CDH1: variants seen among roughly 807,000 people sequenced by gnomAD.
The protein encoded by CDH1 is cadherin 1.
In CDH1, 35 loss-of-function variants were observed where a neutral mutation model predicts 84.5. The observed-to-expected ratio is 0.41, with a 90% CI of 0.32 to 0.55. The LOEUF (loss-of-function observed/expected upper bound fraction) is 0.55. Ranked by LOEUF, CDH1 falls within the 20% of genes least tolerant of loss-of-function variation. The probability of loss-of-function intolerance (pLI) is 0.19; values close to 1 mark genes in which losing one functional copy is unlikely to be tolerated. For synonymous variants in CDH1, 417 were observed against 439.0 expected (o/e 0.95, Z 0.63); for missense variants, 994 against 1,126.6 (o/e 0.88, Z 1.68).
At chr16:68,757,146 T>C (rs568630452) in intron 2 of CDH1, among the ~76,000 whole-genome samples, 14 of 152,262 alleles carry the variant, frequency 9.2e-5, no homozygotes, top group Admixed American at 3.3e-4. Context: ...TGGAGCGCAG[T>C]GTTGGAGTCT....
chr16:68,820,026 C>G (rs1961097559), intron 11 of CDH1, among the ~76,000 whole-genome samples: 1 of 151,958 alleles, frequency 6.6e-6, no homozygotes, highest in East Asian at 1.9e-4. Context: ...TGGCAAAACC[C>G]TGTCTCTACA....
intron 2 of CDH1, among the ~76,000 whole-genome samples, chr16:68,739,514 C>T: frequency 6.6e-6 from 1 of 151,998 alleles, no homozygotes; most frequent in Non-Finnish European, 1.5e-5. Flanking sequence ...ATCCTTCTGT[C>T]TCAGCCTCTC....
In CDH1 at chr16:68,810,282, A is replaced by G. The variant is rs1960783527; in HGVS notation, c.773A>G (p.Asn258Ser). The G allele has an allele frequency of 1.2e-6, 2 of 1,614,162 alleles. No individual in the cohort carries two copies. The highest frequency in any genetic ancestry group is 1.7e-6 in the Non-Finnish European group (2 of 1,180,002). ...ATCACGGTAACCGATCAGAATGACA[A>G]CAAGCCCGAATTCACCCAGGAGGTC... Reference protein sequence around the residue: ...ILITVTDQNDNKPEFTQEVFK... With the variant: ...ILITVTDQNDSKPEFTQEVFK... Residue 258 changes from asparagine to serine, a missense_variant, in exon 6 of 16, where the codon AAC (asparagine) becomes AGC (serine). Physicochemically the swap from Asn to Ser is conservative, Grantham distance 46. This residue lies in a region of CDH1 where 769 missense variants were observed against 881.8 expected (regional missense o/e 0.87). Transcript: ENST00000261769.
chr16:68,778,836 A>G (rs942417924), intron 2 of CDH1, among the ~76,000 whole-genome samples: 1 of 152,104 alleles, frequency 6.6e-6, no homozygotes, highest in African/African-American at 2.4e-5. Context: ...CTGCCTCCTG[A>G]TTTAGTTAAT....
rs1261098630 is a variant in CDH1 at position 68,833,810 on chromosome 16, A to G, written c.*311A>G. On this transcript the variant is annotated 3_prime_UTR_variant, in exon 16 of 16. Coordinates refer to ENST00000261769, the MANE Select transcript of CDH1 (RefSeq NM_004360.5). ...AACTTTAGCATCAGAAGGTTCACCC[A>G]GCACCTTGCAGATTTTCTTAAGGAA... is the stretch of plus-strand genomic sequence containing the variant. The G allele has an allele frequency of 4.8e-6, 2 of 419,532 alleles. No individual in the cohort carries two copies. The highest frequency in any genetic ancestry group is 8.1e-5 in the Admixed American group (2 of 24,812). The allele number at this position is 419,532 out of a possible 1,614,324, so 26.0% of individuals were successfully genotyped here.
chr16:68,746,917 C>T (rs1013959346), intron 2 of CDH1, among the ~76,000 whole-genome samples: 1 of 152,196 alleles, frequency 6.6e-6, no homozygotes, highest in Non-Finnish European at 1.5e-5. Flanking sequence ...CCATTGCACT[C>T]TAGCCTGGGC....
At chr16:68,745,549 A>AAAATATATATATATATATATATGT (rs1555510453) in intron 2 of CDH1, among the ~76,000 whole-genome samples, 1 of 75,182 alleles carries the variant, frequency 1.3e-5, no homozygotes, top group Non-Finnish European at 2.4e-5. Flanking sequence ...AAAAAAAAAA[A>AAAATATATATATATATATATATGT]ATATATATAT....
At chr16:68,818,790 C>T (rs1237448805) in intron 10 of CDH1, among the ~76,000 whole-genome samples, 1 of 140,864 alleles carries the variant, frequency 7.1e-6, no homozygotes, top group Non-Finnish European at 1.5e-5. Flanking sequence ...GTGGAGCTTG[C>T]AGCGAGCCGA....
Position 68,788,728 on chromosome 16 carries a change from G to A in CDH1, c.164-12942G>A, listed in dbSNP as rs766156969. Among the ~76,000 whole-genome samples the A allele has an allele frequency of 1.6e-4, 25 of 152,120 alleles. 1 individual carries two copies. On this transcript the variant is annotated intron_variant, in intron 2 of 15. Transcript: ENST00000261769. ...AAGAAGAAAGTTGGGGCTGGGCATG[G>A]TGGCTCACGCCTGTAATCTCAACAC... is the stretch of plus-strand genomic sequence containing the variant.
chr16:68,807,903 G>A (rs555077755), intron 3 of CDH1, among the ~76,000 whole-genome samples: 2 of 151,998 alleles, frequency 1.3e-5, no homozygotes, highest in East Asian at 3.9e-4. Context: ...AAAGCCCTAC[G>A]TCTACTAAAA....
At chr16:68,757,967 C>CT (rs58385798) in intron 2 of CDH1, among the ~76,000 whole-genome samples, 47,195 of 112,934 alleles carry the variant, frequency 0.42, 10,114 homozygotes, top group Non-Finnish European at 0.45. Context: ...CCAGGCTAAT[C>CT]TTTTTTTTTT....
Position 68,829,728 on chromosome 16 carries a change from C to T in CDH1, c.2370C>T (p.Thr790=), listed in dbSNP as rs1596972620. 1 of 1,614,124 alleles carries T rather than the reference C, an allele frequency of 6.2e-7. No homozygotes were observed. Among genetic ancestry groups the T allele is most frequent in the South Asian group, 1.1e-5 (1 of 91,074 alleles). ...TGACTCGTAACGACGTTGCACCAAC[C>T]CTCATGAGTGTCCCCCGGTATCTTC... is the stretch of plus-strand genomic sequence containing the variant. ...PEVTRNDVAP[T]LMSVPRYLPR... The change falls in exon 15 of 16, where the codon ACC becomes ACT. Residue 790 remains threonine (T), a synonymous_variant. Coordinates refer to ENST00000261769, the MANE Select transcript of CDH1 (RefSeq NM_004360.5).
chr16:68,797,359 C>T (rs541600930), intron 2 of CDH1, among the ~76,000 whole-genome samples: 1 of 152,196 alleles, frequency 6.6e-6, no homozygotes, highest in East Asian at 1.9e-4. Context: ...GCACTTTAGC[C>T]TGGGTGACAG....
At chr16:68,823,255 A>T in intron 12 of CDH1, 144 bp from the exon 13 acceptor site, 2 of 630,622 alleles carry the variant, frequency 3.2e-6, no homozygotes, top group South Asian at 3.7e-5. Context: ...AAAAAAAAAA[A>T]GTACATACCT....
rs16958370 is a variant in CDH1 at position 68,803,282 on chromosome 16, A to C, written c.387+1389A>C. Reference sequence around the variant, plus strand: ...GAGGAATCTAATACTATAGGACCATATTAACTTAGCTCCTTGACTCAAAGT... The same window carrying C: ...GAGGAATCTAATACTATAGGACCATCTTAACTTAGCTCCTTGACTCAAAGT... On this transcript the variant is annotated intron_variant, in intron 3 of 15. Coordinates refer to ENST00000261769, the MANE Select transcript of CDH1 (RefSeq NM_004360.5). Among the ~76,000 whole-genome samples the C allele has an allele frequency of 4.6e-3, 706 of 152,260 alleles. 6 individuals are homozygous for C. The highest frequency in any genetic ancestry group is 0.016 in the African/African-American group (678 of 41,534).
At chr16:68,826,482 G>C (rs549706867) in intron 13 of CDH1, 20 of 152,220 alleles carry the variant, frequency 1.3e-4, no homozygotes, top group African/African-American at 3.6e-4. Flanking sequence ...TGTGCTAGAG[G>C]CTGGGCACGG....
intron 2 of CDH1, among the ~76,000 whole-genome samples, chr16:68,738,931 A>G (rs900057813): frequency 4.8e-5 from 2 of 41,490 alleles, no homozygotes; most frequent in Admixed American, 5.2e-4. Context: ...TTACAGATAT[A>G]AAAGCTTTTT....
At chr16:68,810,829 G>A (rs1414206724) in intron 6 of CDH1, among the ~76,000 whole-genome samples, 1 of 151,226 alleles carries the variant, frequency 6.6e-6, no homozygotes, top group African/African-American at 2.4e-5. Context: ...TCACGCCACT[G>A]CACTCCAGCC....
intron 2 of CDH1, among the ~76,000 whole-genome samples, chr16:68,760,473 G>C (rs148346156): frequency 6.6e-6 from 1 of 152,078 alleles, no homozygotes; most frequent in African/African-American, 2.4e-5. Context: ...GTCTTGTAAA[G>C]TATAACCGTC....
Sources: gnomAD v4.1 joint callset for allele counts (sites outside exome capture counted in the v4.1 genomes callset) on GRCh38, gnomAD v4.1.1 for gene constraint, gnomAD v4.1.1 regional missense constraint, MANE v1.5 for transcripts, NCBI Gene and HGNC (gene_info 2026-07-23, HGNC 2026-07-21) for gene names.